GRB10: variants seen among roughly 807,000 people sequenced by gnomAD.
GRB10 encodes growth factor receptor-bound protein 10.
In GRB10, 20 loss-of-function variants were observed where a neutral mutation model predicts 80.9. That is an observed-to-expected ratio of 0.25 (90% confidence interval 0.17 to 0.36). The LOEUF is 0.36. Ranked by LOEUF, GRB10 falls within the 10% of genes least tolerant of loss-of-function variation. GRB10 has a pLI of 1.00. For missense variants in GRB10, 548 were observed against 747.7 expected (o/e 0.73, Z 3.12); for synonymous variants, 291 against 291.5 (o/e 1.00, Z 0.02).
chr7:50,787,827 GA>G (rs1160945302), upstream of GRB10, among the ~76,000 whole-genome samples: 1 of 152,218 alleles, frequency 6.6e-6, no homozygotes, highest in Non-Finnish European at 1.5e-5. Context: ...CCCTAGAACA[GA>G]CACCTGGAAG....
chr7:50,696,565 CT>C (rs1346699479), intron 5 of GRB10, among the ~76,000 whole-genome samples: 1 of 152,206 alleles, frequency 6.6e-6, no homozygotes, highest in Non-Finnish European at 1.5e-5. Flanking sequence ...TCAACTCTAT[CT>C]GCTTTTGTAC....
chr7:50,698,475 T>C (rs575878586), intron 5 of GRB10, among the ~76,000 whole-genome samples: 67 of 152,374 alleles, frequency 4.4e-4, no homozygotes, highest in Admixed American at 2.5e-3. Flanking sequence ...CTTTTAATTA[T>C]TTAATTGGCC....
At position 50,619,909 on chromosome 7, in the gene GRB10, A is replaced by C. The variant is rs115910220; in HGVS notation, c.662-624T>G. ...AAGAAAACACACTCCATCCTCCAGC[A>C]CCCGCTGTGGACACGTACACACACA... is the stretch of plus-strand genomic sequence containing the variant. On this transcript the variant is annotated intron_variant, in intron 8 of 18. Transcript: ENST00000401949. 3.3e-3 allele frequency among the ~76,000 whole-genome samples: 508 copies of C among 151,856 alleles called. 3 individuals are homozygous for C. Among genetic ancestry groups the C allele is most frequent in the African/African-American group, 0.012 (491 of 41,492 alleles).
At chr7:50,651,338 G>A (rs1360338062) in intron 7 of GRB10, among the ~76,000 whole-genome samples, 1 of 152,184 alleles carries the variant, frequency 6.6e-6, no homozygotes. Flanking sequence ...GGCCTCTCCT[G>A]GAGGTTCTGG....
At chr7:50,666,731 A>T (rs546611009) in intron 7 of GRB10, among the ~76,000 whole-genome samples, 1 of 152,212 alleles carries the variant, frequency 6.6e-6, no homozygotes, top group African/African-American at 2.4e-5. Context: ...GGAGCTACCA[A>T]GGAGTCACTT....
At chr7:50,701,141 G>A (rs1007213735) in intron 5 of GRB10, among the ~76,000 whole-genome samples, 2 of 151,980 alleles carry the variant, frequency 1.3e-5, no homozygotes, top group African/African-American at 4.8e-5. Context: ...GCTAGGTTGG[G>A]AACTATAGAT....
At chr7:50,754,575 G>A (rs867784957) in intron 3 of GRB10, among the ~76,000 whole-genome samples, 27 of 152,324 alleles carry the variant, frequency 1.8e-4, no homozygotes, top group African/African-American at 5.5e-4. Context: ...TGTCTGGAGA[G>A]AAGGAAAATG....
chr7:50,601,530 T>A (rs1171801821), intron 17 of GRB10, among the ~76,000 whole-genome samples: 1 of 152,214 alleles, frequency 6.6e-6, no homozygotes, highest in Non-Finnish European at 1.5e-5. Context: ...TTAAAAGGAC[T>A]GTAAAGAAAT....
chr7:50,756,097 T>G (rs2075039222), intron 2 of GRB10, 41 bp from the exon 3 acceptor site: 2 of 398,524 alleles, frequency 5.0e-6, no homozygotes, highest in Admixed American at 8.8e-5. Context: ...TCCGTAGAAT[T>G]TATACAAATG....
chr7:50,600,950 G>A (rs906317693), intron 17 of GRB10, among the ~76,000 whole-genome samples: 6 of 152,230 alleles, frequency 3.9e-5, no homozygotes, highest in Non-Finnish European at 5.9e-5. Context: ...ATGCAGCACT[G>A]TGTCTCATAA....
intron 7 of GRB10, among the ~76,000 whole-genome samples, chr7:50,645,876 G>C (rs1266620476): frequency 6.6e-6 from 1 of 152,312 alleles, no homozygotes; most frequent in Non-Finnish European, 1.5e-5. Context: ...CACATTGCGA[G>C]GAACTGCAGA....
At chr7:50,712,002 C>T (rs2065965360) in intron 4 of GRB10, among the ~76,000 whole-genome samples, 1 of 152,148 alleles carries the variant, frequency 6.6e-6, no homozygotes, top group African/African-American at 2.4e-5. Context: ...AATCAGAGAA[C>T]ATGTCCTTAA....
At chr7:50,676,115 G>A (rs2060897222) in intron 5 of GRB10, among the ~76,000 whole-genome samples, 2 of 152,128 alleles carry the variant, frequency 1.3e-5, no homozygotes, top group South Asian at 4.1e-4. Context: ...TCCCAGAATA[G>A]CTGCAAGTTA....
Position 50,606,219 on chromosome 7 carries a change from T to C in GRB10, c.1272+118A>G, listed in dbSNP as rs1009489488. ...GTGGGACATACTGGCTTCCCTGAAA[T>C]GCACACACACTCTCCAGAGCTTCTC... is the stretch of plus-strand genomic sequence containing the variant. On this transcript the variant is annotated intron_variant, in intron 14 of 18. Transcript: ENST00000401949. 42 of 860,412 alleles carry C rather than the reference T, an allele frequency of 4.9e-5. No individual in the cohort carries two copies. In the African/African-American group the frequency reaches 6.4e-4, roughly 13 times the overall value. The allele number at this position is 860,412 out of a possible 1,614,324, so 53.3% of individuals were successfully genotyped here. A position where few individuals can be genotyped will look rare whatever the true frequency, so the allele number is the denominator to read the frequency against.
intron 8 of GRB10, among the ~76,000 whole-genome samples, chr7:50,625,698 G>T (rs1350309547): frequency 1.3e-5 from 2 of 152,260 alleles, no homozygotes; most frequent in Non-Finnish European, 2.9e-5. Context: ...GCAATTGATA[G>T]AGATGGGAAA....
At chr7:50,634,921 A>G (rs1330362849) in intron 7 of GRB10, among the ~76,000 whole-genome samples, 1 of 152,264 alleles carries the variant, frequency 6.6e-6, no homozygotes, top group African/African-American at 2.4e-5. Context: ...GAAGAGAATG[A>G]CAGCAATACC....
intron 3 of GRB10, among the ~76,000 whole-genome samples, chr7:50,735,406 C>A (rs1361196120): frequency 1.3e-5 from 2 of 152,120 alleles, no homozygotes; most frequent in Admixed American, 1.3e-4. Context: ...CTATCAATAT[C>A]CTAATGATAT....
rs575499917 is a variant in GRB10, at chr7:50,768,364, C to T, written c.-217+12263G>A. 2.0e-5 allele frequency among the ~76,000 whole-genome samples: 3 copies of T among 152,350 alleles called. 1 individual carries two copies. The highest frequency in any genetic ancestry group is 1.9e-4 in the East Asian group (1 of 5,194). ...GGTAGAAAAGTTTAAGACTCCATTG[C>T]TACCTCCTTCAATCCCCAAATTAAG... On this transcript the variant is annotated intron_variant, in intron 2 of 18. Coordinates refer to ENST00000401949, the MANE Select transcript of GRB10 (RefSeq NM_001350814.2).
chr7:50,728,269 A>AT (rs1290099094), intron 4 of GRB10, among the ~76,000 whole-genome samples: 5 of 152,002 alleles, frequency 3.3e-5, no homozygotes, highest in African/African-American at 1.2e-4. Context: ...TCTTTCACTA[A>AT]AAATAATAAT....
Sources: allele counts gnomAD v4.1 joint callset (sites outside exome capture counted in the v4.1 genomes callset), GRCh38; gene constraint gnomAD v4.1.1; transcripts MANE v1.5; gene names NCBI Gene and HGNC (gene_info 2026-07-23, HGNC 2026-07-21).